NAALADL2: variants seen among roughly 807,000 people sequenced by gnomAD.
NAALADL2 encodes the protein N-acetylated alpha-linked acidic dipeptidase like 2.
In NAALADL2, 76 loss-of-function variants were observed where a neutral mutation model predicts 87.2. That is an observed-to-expected ratio of 0.87 (90% CI 0.72 to 1.05). NAALADL2 has a LOEUF of 1.05. NAALADL2 is among the 50% of genes least tolerant of loss of function. The pLI is 0.00. For missense variants in NAALADL2, 1,089 were observed against 945.8 expected (o/e 1.15, Z -1.99); for synonymous variants, 354 against 331.0 (o/e 1.07, Z -0.75).
At chr3:174,902,007 C>T (rs1560343139) in intron 1 of NAALADL2, among the ~76,000 whole-genome samples, 1 of 151,902 alleles carries the variant, frequency 6.6e-6, no homozygotes, top group Non-Finnish European at 1.5e-5. Context: ...AAAACAGTGC[C>T]CCTAAAACTA....
intron 2 of NAALADL2, among the ~76,000 whole-genome samples, chr3:174,674,281 C>A (rs992645013): frequency 1.3e-5 from 2 of 152,122 alleles, no homozygotes; most frequent in East Asian, 1.9e-4. Context: ...TGCCCATGAT[C>A]CAAACACCTC....
In NAALADL2 at chr3:175,661,926, G is replaced by T. The variant is rs545548513; in HGVS notation, c.1896+34540G>T. 1.3e-4 allele frequency among the ~76,000 whole-genome samples: 20 copies of T among 152,014 alleles called. 1 individual carries two copies. The East Asian group carries it at 2.5e-3, about 19-fold the overall frequency. On this transcript the variant is annotated intron_variant, in intron 11 of 13. Transcript: ENST00000454872. ...GTAGTAATCTTTGAAGTCAGGAAGC[G>T]TGATGCCTTAAACTTTGTCCTTTCT...
chr3:174,641,501 C>T (rs1723183139), intron 2 of NAALADL2, among the ~76,000 whole-genome samples: 1 of 152,144 alleles, frequency 6.6e-6, no homozygotes, highest in Non-Finnish European at 1.5e-5. Flanking sequence ...CTGACAGAAT[C>T]AAGGACACAC....
chr3:175,706,952 A>G (rs1739808109), intron 11 of NAALADL2, among the ~76,000 whole-genome samples: 1 of 152,180 alleles, frequency 6.6e-6, no homozygotes, highest in South Asian at 2.1e-4. Flanking sequence ...AGACAGAAAC[A>G]TTTAACTACT....
intron 11 of NAALADL2, among the ~76,000 whole-genome samples, chr3:175,674,706 A>C (rs1405341717): frequency 6.6e-6 from 1 of 152,164 alleles, no homozygotes; most frequent in Non-Finnish European, 1.5e-5. Flanking sequence ...ATGTTTAAAA[A>C]TGAGGATCAT....
At chr3:175,337,624 C>G (rs1762125326) in intron 5 of NAALADL2, among the ~76,000 whole-genome samples, 1 of 152,184 alleles carries the variant, frequency 6.6e-6, no homozygotes, top group African/African-American at 2.4e-5. Flanking sequence ...CTTATAGCCT[C>G]CAGAATTTTG....
At chr3:174,536,470 CT>C (rs1020632615) in intron 1 of NAALADL2, among the ~76,000 whole-genome samples, 36 of 152,230 alleles carry the variant, frequency 2.4e-4, no homozygotes, top group African/African-American at 8.2e-4. Context: ...ATCACCTCCC[CT>C]ATTCTGTAAG....
Position 175,670,812 on chromosome 3 carries a change from T to C in NAALADL2, c.1896+43426T>C, listed in dbSNP as rs1465948577. Among the ~76,000 whole-genome samples the C allele has an allele frequency of 2.0e-5, 3 of 151,394 alleles. No individual in the cohort carries two copies. The East Asian group carries it at 5.8e-4, about 29-fold the overall frequency. Reference sequence around the variant, plus strand: ...AGCTTTATTATTTTAAAGTACATCATTCATGAAGAATGTTATAAGTAAAAT... The same window carrying C: ...AGCTTTATTATTTTAAAGTACATCACTCATGAAGAATGTTATAAGTAAAAT... On this transcript the variant is annotated intron_variant, in intron 11 of 13. Transcript: ENST00000454872.
chr3:175,410,866 G>A (rs554162854), intron 5 of NAALADL2, among the ~76,000 whole-genome samples: 3 of 152,268 alleles, frequency 2.0e-5, no homozygotes, highest in South Asian at 4.1e-4. Flanking sequence ...GTGGACAGAC[G>A]CCCTCTTTTT....
chr3:174,859,832 G>A (rs1726262379), intron 1 of NAALADL2, among the ~76,000 whole-genome samples: 1 of 152,088 alleles, frequency 6.6e-6, no homozygotes, highest in East Asian at 1.9e-4. Flanking sequence ...GTCTCTACCT[G>A]TGGAGTGTTT....
At chr3:175,193,670 C>CA (rs1032534743) in intron 2 of NAALADL2, among the ~76,000 whole-genome samples, 2 of 151,606 alleles carry the variant, frequency 1.3e-5, no homozygotes, top group Non-Finnish European at 3.0e-5. Context: ...AATTAAAAAA[C>CA]AAAAAACAAA....
At chr3:175,051,637 C>A (rs532892003) in intron 1 of NAALADL2, among the ~76,000 whole-genome samples, 4 of 152,140 alleles carry the variant, frequency 2.6e-5, no homozygotes, top group African/African-American at 9.7e-5. Context: ...TAACCATGGG[C>A]GCAACATCCT....
At chr3:175,600,879 T>C (rs1209537256) in intron 10 of NAALADL2, among the ~76,000 whole-genome samples, 1 of 152,170 alleles carries the variant, frequency 6.6e-6, no homozygotes, top group Non-Finnish European at 1.5e-5. Context: ...AACCAGACCA[T>C]GTGGCATTGA....
intron 5 of NAALADL2, among the ~76,000 whole-genome samples, chr3:175,324,866 C>T (rs1760490545): frequency 6.6e-6 from 1 of 152,324 alleles, no homozygotes; most frequent in East Asian, 1.9e-4. Context: ...GAGATGGCTA[C>T]TTTGCAGCAA....
intron 2 of NAALADL2, among the ~76,000 whole-genome samples, chr3:174,586,697 A>C (rs149854093): frequency 3.2e-4 from 49 of 152,262 alleles, no homozygotes; most frequent in African/African-American, 1.1e-3. Context: ...TAAGGAATGA[A>C]TCTCTGAGTT....
intron 2 of NAALADL2, among the ~76,000 whole-genome samples, chr3:174,615,286 T>A (rs1720345514): frequency 6.6e-6 from 1 of 152,184 alleles, no homozygotes; most frequent in African/African-American, 2.4e-5. Flanking sequence ...TTCTTTCAGG[T>A]TAGAGAGCCG....
At chr3:175,314,701 TATATATATATATATATATATAG>T (rs1758902037) in intron 4 of NAALADL2, among the ~76,000 whole-genome samples, 5 of 90,802 alleles carry the variant, frequency 5.5e-5, no homozygotes, top group African/African-American at 1.9e-4. Context: ...TATATATATA[TATATATATATATATATATATAG>T]TTAGATAAGG....
intron 9 of NAALADL2, among the ~76,000 whole-genome samples, chr3:175,541,660 C>A (rs759118002): frequency 6.7e-6 from 1 of 149,280 alleles, no homozygotes; most frequent in South Asian, 2.1e-4. Flanking sequence ...ACACTTGTTT[C>A]CTTTTTTTTC....
intron 11 of NAALADL2, among the ~76,000 whole-genome samples, chr3:175,639,251 T>G (rs976116378): frequency 2.0e-5 from 3 of 152,032 alleles, no homozygotes; most frequent in African/African-American, 7.2e-5. Context: ...ATTACTTCAC[T>G]TGTTCATACT....
Sources: allele counts gnomAD v4.1 joint callset (sites outside exome capture counted in the v4.1 genomes callset), GRCh38; gene constraint gnomAD v4.1.1; transcripts MANE v1.5; gene names NCBI Gene and HGNC (gene_info 2026-07-23, HGNC 2026-07-21).